CA14: variants seen among roughly 807,000 people sequenced by gnomAD.
CA14 encodes the protein carbonic anhydrase 14, also known as CA-XIV.
Under a neutral mutation model 48.8 loss-of-function variants are expected in CA14, and 44 were observed. The observed-to-expected ratio is 0.90, with a 90% CI of 0.71 to 1.16. The LOEUF (loss-of-function observed/expected upper bound fraction) is 1.16. Among genes scored for constraint, CA14 ranks in the 50% most tolerant of loss-of-function variants. The pLI, the probability that CA14 is intolerant of heterozygous loss-of-function variation, is 0.00. For missense variants in CA14, 386 were observed against 401.0 expected, an observed-to-expected ratio of 0.96 and a Z score of 0.32; for synonymous variants, 154 against 155.0, an observed-to-expected ratio of 0.99 and a Z score of 0.05.
intron 8 of CA14, 100 bp downstream of exon 8, chr1:150,263,519 T>C (rs1651284064): frequency 6.2e-7 from 1 of 1,606,748 alleles, no homozygotes; most frequent in East Asian, 2.2e-5. Context: ...GGAGGGGGTT[T>C]CTGGGACTTG....
chr1:150,261,463 ACATGGTCAGGAC>A lies in CA14; in HGVS notation c.85_96del (p.Gly29_His32del). 6.2e-7 allele frequency: 1 copy of A among 1,613,880 alleles called. No homozygotes were observed. Among genetic ancestry groups the A allele is most frequent in the Non-Finnish European group, 8.5e-7 (1 of 1,179,818 alleles). ...GTCTTTGGTAACCCCCACCAGGCCC[ACATGGTCAGGAC>A]CATTGGCCAGCCTCTTACCCTGAGT... On this transcript the variant is annotated inframe_deletion, in exon 3 of 11. Coordinates refer to ENST00000369111, the MANE Select transcript of CA14 (RefSeq NM_012113.3).
rs201259406 is a variant in CA14, at chr1:150,263,912, C to CTT, written c.947+35_947+36dup. 7,405 of 992,552 alleles carry CTT rather than the reference C, an allele frequency of 7.5e-3. 240 individuals carry two copies. In the African/African-American group the frequency reaches 0.078, roughly 11 times the overall value. 61.5% of individuals were successfully genotyped at this position (992,552 alleles called of 1,614,324 possible). The stretch of plus-strand genomic sequence containing the variant: ...CTACTTTCCATTCCTCCAGTCCCTT[C>CTT]TTCTTTTTTTTTTTTTTTTTGGTAG... On this transcript the variant is annotated intron_variant, in intron 10 of 10. Transcript: ENST00000369111.
chr1:150,260,376 C>T, intron 2 of CA14: 1 of 677,964 alleles, frequency 1.5e-6, no homozygotes, highest in Admixed American at 2.1e-5. Flanking sequence ...CCTGATTTGG[C>T]AGAAAAGCTA....
chr1:150,260,769 T>TC lies in CA14; in HGVS notation c.76+598_76+599insC, dbSNP rs1650958767. The stretch of plus-strand genomic sequence containing the variant: ...TCTCTAGGTTATTTTTTTTTTTTTT[T>TC]TTTTTTTTGACACAGAGTCTTGCTC... On this transcript the variant is annotated intron_variant, in intron 2 of 10. Coordinates refer to ENST00000369111, the MANE Select transcript of CA14 (RefSeq NM_012113.3). 3 of 151,814 alleles carry TC rather than the reference T, an allele frequency of 2.0e-5. No homozygotes were observed. In the East Asian group the frequency reaches 5.9e-4, roughly 30 times the overall value. The allele number at this position is 151,814 out of a possible 1,614,324, so 9.4% of individuals were successfully genotyped here.
At chr1:150,260,420 G>C (rs2101829150) in intron 2 of CA14, 2 of 578,652 alleles carry the variant, frequency 3.5e-6, no homozygotes, top group East Asian at 3.1e-5. Context: ...AGGAGTGAGG[G>C]AGCTGGGGTG....
chr1:150,259,518 C>T (rs1650815490), intron 1 of CA14, among the ~76,000 whole-genome samples: 1 of 151,954 alleles, frequency 6.6e-6, no homozygotes, highest in Non-Finnish European at 1.5e-5. Context: ...CCTGCCCTGA[C>T]TCCCACCCTT....
rs973316883 is a variant in CA14, at chr1:150,261,068, A to T, written c.77-391A>T. The stretch of plus-strand genomic sequence containing the variant: ...AGCCACTGTGCCTGGCCTATCTAGG[A>T]TCATTTTATTTCTCCCATTTTTCTA... On this transcript the variant is annotated intron_variant, in intron 2 of 10. Coordinates refer to ENST00000369111, the MANE Select transcript of CA14 (RefSeq NM_012113.3). 2.2e-5 allele frequency: 4 copies of T among 185,780 alleles called. No homozygotes were observed. In the Admixed American group the frequency reaches 2.2e-4, roughly 10 times the overall value. The allele number at this position is 185,780 out of a possible 1,614,324, so 11.5% of individuals were successfully genotyped here.
intron 8 of CA14, 92 bp downstream of exon 8, chr1:150,263,511 AG>A: frequency 6.2e-7 from 1 of 1,606,268 alleles, no homozygotes; most frequent in African/African-American, 1.3e-5. Context: ...CTAAAAGGGG[AG>A]GGGGTTTCTG....
intron 2 of CA14, chr1:150,260,468 A>T (rs1202050261): frequency 6.0e-6 from 3 of 502,782 alleles, no homozygotes; most frequent in South Asian, 2.0e-5. Flanking sequence ...CTTAGCTGCC[A>T]GGTCTCCTTC....
intron 4 of CA14, 101 bp from the exon 5 acceptor site, chr1:150,262,424 T>C (rs1371028984): frequency 2.0e-6 from 3 of 1,480,988 alleles, no homozygotes; most frequent in African/African-American, 1.4e-5. Flanking sequence ...GGGACAGACT[T>C]AGTGCCTGCC....
chr1:150,262,435 G>A (rs1651120085), intron 4 of CA14, 90 bp from the exon 5 acceptor site: 12 of 1,461,184 alleles, frequency 8.2e-6, no homozygotes, highest in South Asian at 3.5e-5. Flanking sequence ...AGTGCCTGCC[G>A]GGGACAGCGG....
chr1:150,264,833 C>T lies in CA14; in HGVS notation c.*174C>T, dbSNP rs587658571. Reference sequence around the variant, plus strand: ...ACCCAGGCTGTCATTCCAGGAAGAACTGCAGAGCCTTCAGCCTCTCCAAAC... The same window carrying T: ...ACCCAGGCTGTCATTCCAGGAAGAATTGCAGAGCCTTCAGCCTCTCCAAAC... On this transcript the variant is annotated 3_prime_UTR_variant, in exon 11 of 11. Coordinates refer to ENST00000369111, the MANE Select transcript of CA14 (RefSeq NM_012113.3). The T allele has an allele frequency of 4.3e-5, 22 of 508,490 alleles. No individual in the cohort carries two copies. The South Asian group carries it at 5.7e-4, about 13-fold the overall frequency. 31.5% of individuals were successfully genotyped at this position (508,490 alleles called of 1,614,324 possible). A position where few individuals can be genotyped will look rare whatever the true frequency, so the allele number is the denominator to read the frequency against.
intron 6 of CA14, 57 bp from the exon 7 acceptor site, chr1:150,262,985 A>G: frequency 1.2e-6 from 2 of 1,607,658 alleles, no homozygotes; most frequent in Non-Finnish European, 1.7e-6. Flanking sequence ...TGGGAGCCCT[A>G]TCTAGGTAAG....
chr1:150,260,282 G>C (rs1553847522), intron 2 of CA14, 111 bp downstream of exon 2: 1 of 1,030,924 alleles, frequency 9.7e-7, no homozygotes, highest in Non-Finnish European at 1.5e-6. Flanking sequence ...TCTCACCCTA[G>C]CTCCTCCCTT....
At chr1:150,262,108 G>A in intron 3 of CA14, 50 bp from the exon 4 acceptor site, 2 of 1,611,246 alleles carry the variant, frequency 1.2e-6, no homozygotes, top group Non-Finnish European at 1.7e-6. Flanking sequence ...CCAGGAGTGG[G>A]AATGTATCCA....
chr1:150,259,046 G>A (rs116361295), intron 1 of CA14, among the ~76,000 whole-genome samples: 26 of 152,284 alleles, frequency 1.7e-4, no homozygotes, highest in African/African-American at 6.3e-4. Flanking sequence ...CAGAATAAGT[G>A]TGTTGAGGCT....
At chr1:150,261,249 A>G in intron 2 of CA14, 1 of 563,410 alleles carries the variant, frequency 1.8e-6, no homozygotes, top group Non-Finnish European at 3.2e-6. Context: ...GCCTCTGGGT[A>G]GGGAAGGGGA....
Position 150,263,095 on chromosome 1 carries a change from C to G in CA14, c.616C>G (p.Leu206Val). The G allele has an allele frequency of 1.2e-6, 2 of 1,614,104 alleles. No homozygotes were observed. Among genetic ancestry groups the G allele is most frequent in the Non-Finnish European group, 1.7e-6 (2 of 1,179,978 alleles). The change falls in exon 7 of 11, where the codon CTG becomes GTG. Residue 206 changes from leucine (L) to valine (V), a missense_variant. Leu to Val is a conservative substitution (Grantham distance 32). Transcript: ENST00000369111. ...FNLRELLPKQ[L>V]GQYFRYNGSL... ...CCTAAGAGAGCTGCTCCCCAAACAG[C>G]TGGGGCAGTACTTCCGCTACAATGG...
chr1:150,264,612 C>G lies in CA14; in HGVS notation c.967C>G (p.Arg323Gly). 1 of 1,611,700 alleles carries G rather than the reference C, an allele frequency of 6.2e-7. No homozygotes were observed. Among genetic ancestry groups the G allele is most frequent in the Non-Finnish European group, 8.5e-7 (1 of 1,178,006 alleles). The change falls in exon 11 of 11, where the codon CGA becomes GGA. Residue 323 changes from arginine to glycine, a missense_variant. Coordinates refer to ENST00000369111, the MANE Select transcript of CA14 (RefSeq NM_012113.3). ...TTCCAGGAAGAAGAGGCTGGAAAAC[C>G]GAAAGAGTGTGGTCTTCACCTCAGC... The part of the protein sequence containing the change: ...RKIRKKRLEN[R>G]KSVVFTSAQA...
Sources: gnomAD v4.1 joint callset for allele counts (sites outside exome capture counted in the v4.1 genomes callset) on GRCh38, gnomAD v4.1.1 for gene constraint, MANE v1.5 for transcripts, NCBI Gene and HGNC (gene_info 2026-07-23, HGNC 2026-07-21) for gene names.